PCSK5: variants seen among roughly 807,000 people sequenced by gnomAD.
PCSK5 encodes proprotein convertase subtilisin/kexin type 5, also known as prohormone convertase 5.
Under a neutral mutation model 233.2 loss-of-function variants are expected in PCSK5, and 129 were observed. The observed-to-expected ratio is 0.55, with a 90% CI of 0.48 to 0.64. The LOEUF (loss-of-function observed/expected upper bound fraction) is 0.64, where lower values mean the gene tolerates loss of function less well. Ranked by LOEUF, PCSK5 falls within the 30% of genes least tolerant of loss-of-function variation. PCSK5 has a pLI of 0.00. For missense variants in PCSK5, 2,076 were observed against 2,430.1 expected (o/e 0.85, Z 3.06); for synonymous variants, 825 against 879.2 (o/e 0.94, Z 1.09).
intron 12 of PCSK5, among the ~76,000 whole-genome samples, chr9:76,162,734 C>G (rs1452380947): frequency 2.0e-5 from 3 of 152,018 alleles, no homozygotes; most frequent in Non-Finnish European, 2.9e-5. Flanking sequence ...ACAATGTTTC[C>G]CTAGCAGAGG....
Position 76,096,096 on chromosome 9 carries a change from G to A in PCSK5, c.1101G>A (p.Lys367=). 2 of 1,609,718 alleles carry A rather than the reference G, an allele frequency of 1.2e-6. No individual in the cohort carries two copies. Among genetic ancestry groups the A allele is most frequent in the Non-Finnish European group, 1.7e-6 (2 of 1,176,310 alleles). Residue 367 remains lysine, a synonymous_variant, in exon 8 of 38, where the codon AAG becomes AAA. Transcript: ENST00000674117. ...TTYSSGESYD[K]KIITTDLRQR... is the part of the protein sequence containing the mutation. ...ACAGCAGCGGGGAGTCCTACGATAAGAAAATCGTACGTGACATGTGCATGC... is the reference window on the plus strand; with the variant it reads ...ACAGCAGCGGGGAGTCCTACGATAAAAAAATCGTACGTGACATGTGCATGC...
chr9:76,122,818 TTTTTTTTTC>T (rs1165063495), intron 9 of PCSK5, among the ~76,000 whole-genome samples: 2,387 of 121,158 alleles, frequency 0.02, 75 homozygotes, highest in African/African-American at 0.063. Context: ...TATTTTTTCT[TTTTTTTTTC>T]TTTTTTTTTT....
At chr9:76,162,947 C>T (rs1564072105) in intron 12 of PCSK5, among the ~76,000 whole-genome samples, 4 of 152,200 alleles carry the variant, frequency 2.6e-5, no homozygotes, top group African/African-American at 9.6e-5. Context: ...TCACAGCAGG[C>T]TGCGTGTTGG....
intron 3 of PCSK5, among the ~76,000 whole-genome samples, chr9:76,013,558 T>C (rs1827821532): frequency 6.6e-6 from 1 of 152,212 alleles, no homozygotes; most frequent in South Asian, 2.1e-4. Flanking sequence ...GTGATAGGAC[T>C]TGGAGAGTAA....
intron 9 of PCSK5, among the ~76,000 whole-genome samples, chr9:76,129,946 T>G (rs1822691031): frequency 6.6e-6 from 1 of 152,086 alleles, no homozygotes; most frequent in African/African-American, 2.4e-5. Flanking sequence ...GTGTTTAAGG[T>G]GAGGTTCAGC....
Position 76,120,606 on chromosome 9 carries a change from T to C in PCSK5, c.1208+13255T>C, listed in dbSNP as rs147689067. 7.2e-4 allele frequency among the ~76,000 whole-genome samples: 110 copies of C among 152,184 alleles called. 1 individual carries two copies. The highest frequency in any genetic ancestry group is 2.4e-3 in the African/African-American group (101 of 41,564). On this transcript the variant is annotated intron_variant, in intron 9 of 37. Transcript: ENST00000674117. ...TCTTTAACTGATTATTGCTTATCTA[T>C]AACAGAGCCATTATTTTTATATGTT...
intron 1 of PCSK5, among the ~76,000 whole-genome samples, chr9:75,896,183 AG>A (rs1459936279): frequency 6.6e-6 from 1 of 152,214 alleles, no homozygotes; most frequent in Non-Finnish European, 1.5e-5. Context: ...AAGGGATAGT[AG>A]GGGAACCTTT....
chr9:76,282,425 T>TCCTCCCAC (rs1275242852), intron 24 of PCSK5, among the ~76,000 whole-genome samples: 1 of 146,420 alleles, frequency 6.8e-6, no homozygotes, highest in African/African-American at 2.5e-5. Flanking sequence ...GCTAACGCAA[T>TCCTCCCAC]CCTCCCACCT....
chr9:76,227,850 T>A (rs1056002123), intron 21 of PCSK5, among the ~76,000 whole-genome samples: 2 of 152,114 alleles, frequency 1.3e-5, no homozygotes, highest in Admixed American at 6.6e-5. Context: ...TCCTCATCAA[T>A]CAATAGGGTG....
intron 30 of PCSK5, among the ~76,000 whole-genome samples, chr9:76,320,298 C>T (rs1226784173): frequency 6.6e-6 from 1 of 151,540 alleles, no homozygotes; most frequent in African/African-American, 2.4e-5. Context: ...GGCATGGTGG[C>T]ACGCACCTCT....
intron 2 of PCSK5, among the ~76,000 whole-genome samples, chr9:75,934,994 A>C (rs80296107): frequency 0.045 from 6,867 of 152,216 alleles, 205 homozygotes; most frequent in African/African-American, 0.07. Flanking sequence ...AGATTCCCCA[A>C]ATGTTAATGT....
At position 76,227,691 on chromosome 9, in the gene PCSK5, C is replaced by T. The variant is rs1298729264; in HGVS notation, c.2729+86C>T. On this transcript the variant is annotated intron_variant, in intron 21 of 37. Coordinates refer to ENST00000674117, the MANE Select transcript of PCSK5 (RefSeq NM_001372043.1). ...GAGGTGCTCACCATCTTAGCAGCACCTCATGGGCCTGCAGTGAAAAAGAAG... is the reference window on the plus strand; with the variant it reads ...GAGGTGCTCACCATCTTAGCAGCACTTCATGGGCCTGCAGTGAAAAAGAAG... 4 of 798,822 alleles carry T rather than the reference C, an allele frequency of 5.0e-6. No homozygotes were observed. In the East Asian group the frequency reaches 1.1e-4, roughly 21 times the overall value. 49.5% of individuals were successfully genotyped at this position (798,822 alleles called of 1,614,324 possible). A position where few individuals can be genotyped will look rare whatever the true frequency, so the allele number is the denominator to read the frequency against.
intron 2 of PCSK5, among the ~76,000 whole-genome samples, chr9:75,935,635 C>T (rs950056327): frequency 3.2e-4 from 48 of 152,068 alleles, no homozygotes; most frequent in African/African-American, 1.0e-3. Flanking sequence ...TCATGTTTCC[C>T]GAGTCCTCTT....
intron 21 of PCSK5, among the ~76,000 whole-genome samples, chr9:76,231,942 T>A (rs1343867576): frequency 6.6e-6 from 1 of 151,908 alleles, no homozygotes; most frequent in East Asian, 1.9e-4. Context: ...AGAGGTGGAC[T>A]TCTCTCTTAG....
chr9:75,907,412 G>A (rs1376479655), intron 1 of PCSK5, among the ~76,000 whole-genome samples: 2 of 152,166 alleles, frequency 1.3e-5, no homozygotes, highest in Non-Finnish European at 2.9e-5. Context: ...ATTCTATAAA[G>A]GGGTATGGTA....
chr9:76,040,385 G>GTCTCTCTGTCTCTCTGTCTCTCTGTC (rs1563988638), intron 5 of PCSK5, among the ~76,000 whole-genome samples: 1 of 80,622 alleles, frequency 1.2e-5, no homozygotes, highest in African/African-American at 4.3e-5. Context: ...CTCTCTCTCT[G>GTCTCTCTGTCTCTCTGTCTCTCTGTC]TCTCTCTCTC....
At chr9:75,998,291 C>T (rs542133283) in intron 3 of PCSK5, among the ~76,000 whole-genome samples, 1 of 152,078 alleles carries the variant, frequency 6.6e-6, no homozygotes, top group Non-Finnish European at 1.5e-5. Flanking sequence ...ACTTTTCTTT[C>T]ATTACTGTGC....
intron 35 of PCSK5, among the ~76,000 whole-genome samples, chr9:76,339,902 T>C (rs1287383354): frequency 1.3e-5 from 2 of 152,194 alleles, no homozygotes; most frequent in African/African-American, 4.8e-5. Context: ...CCTTAACTTA[T>C]GTCTTAAGGA....
chr9:76,037,083 C>T (rs1423696060), intron 5 of PCSK5, among the ~76,000 whole-genome samples: 1 of 152,212 alleles, frequency 6.6e-6, no homozygotes, highest in Non-Finnish European at 1.5e-5. Context: ...ATAAATTTGA[C>T]TCCACAGTGG....
Sources: gnomAD v4.1 joint callset for allele counts (sites outside exome capture counted in the v4.1 genomes callset) on GRCh38, gnomAD v4.1.1 for gene constraint, MANE v1.5 for transcripts, NCBI Gene and HGNC (gene_info 2026-07-23, HGNC 2026-07-21) for gene names.